The following SPAG17 variants were observed in gnomAD, a reference collection of about 807,000 sequenced individuals.
SPAG17 encodes sperm associated antigen 17, also known as sperm-associated antigen 17.
In SPAG17, 169 loss-of-function variants were observed where a neutral mutation model predicts 273.6. The observed-to-expected ratio is 0.62, with a 90% confidence interval of 0.55 to 0.70. The LOEUF (loss-of-function observed/expected upper bound fraction) is 0.70, where lower values mean the gene tolerates loss of function less well. Ranked by LOEUF, SPAG17 falls within the 30% of genes least tolerant of loss-of-function variation. The pLI is 0.00. For synonymous variants in SPAG17, 825 were observed against 873.2 expected (o/e 0.94, Z 0.97); for missense variants, 2,557 against 2,627.8 (o/e 0.97, Z 0.59).
At chr1:118,099,413 A>G (rs550239970) in intron 6 of SPAG17, among the ~76,000 whole-genome samples, 193 bp downstream of exon 6, 1 of 152,368 alleles carries the variant, frequency 6.6e-6, no homozygotes, top group South Asian at 2.1e-4. Context: ...ATATAAATAC[A>G]GGGTATGATT....
At chr1:117,998,295 C>A (rs1033091945) in intron 32 of SPAG17, among the ~76,000 whole-genome samples, 4 of 152,078 alleles carry the variant, frequency 2.6e-5, no homozygotes, top group African/African-American at 9.7e-5. Flanking sequence ...ATCCCAGTAC[C>A]ATTTATTGAC....
intron 42 of SPAG17, among the ~76,000 whole-genome samples, chr1:117,983,002 G>GT (rs1353559178): frequency 3.9e-5 from 6 of 152,152 alleles, no homozygotes; most frequent in Non-Finnish European, 5.9e-5. Context: ...CTATAGGATT[G>GT]TATTAGTCGG....
At chr1:118,038,248 T>C (rs1340228593) in intron 23 of SPAG17, among the ~76,000 whole-genome samples, 2 of 152,252 alleles carry the variant, frequency 1.3e-5, no homozygotes, top group African/African-American at 4.8e-5. Flanking sequence ...AGACACCTTA[T>C]AGAATGGAGA....
At chr1:118,099,844 A>G in intron 5 of SPAG17, 44 bp from the exon 6 acceptor site, 1 of 1,579,268 alleles carries the variant, frequency 6.3e-7, no homozygotes, top group South Asian at 1.1e-5. Flanking sequence ...ATTGTAAAAG[A>G]GAGCAGGTTG....
At chr1:118,150,028 A>G (rs1659284182) in intron 3 of SPAG17, among the ~76,000 whole-genome samples, 1 of 152,206 alleles carries the variant, frequency 6.6e-6, no homozygotes, top group Non-Finnish European at 1.5e-5. Context: ...TCCGAAGAGT[A>G]TCATTATTTT....
At chr1:118,036,238 G>A (rs763936641) in intron 24 of SPAG17, among the ~76,000 whole-genome samples, 2 of 151,324 alleles carry the variant, frequency 1.3e-5, no homozygotes, top group Non-Finnish European at 3.0e-5. Flanking sequence ...AAGGAAGGAA[G>A]GAAGTGGGGT....
intron 4 of SPAG17, among the ~76,000 whole-genome samples, chr1:118,103,840 AGTGT>A (rs60797775): frequency 5.1e-5 from 7 of 136,282 alleles, no homozygotes; most frequent in South Asian, 2.6e-4. Flanking sequence ...GGGAAAATGT[AGTGT>A]GTGTGTGTGT....
In SPAG17 at chr1:118,101,813, C is replaced by T; in HGVS notation, c.561G>A (p.Glu187=). 4 of 1,614,074 alleles carry T rather than the reference C, an allele frequency of 2.5e-6. No homozygotes were observed. The highest frequency in any genetic ancestry group is 3.4e-6 in the Non-Finnish European group (4 of 1,179,972). Residue 187 remains glutamate, a synonymous_variant, in exon 5 of 49, where the codon GAG becomes GAA. Transcript: ENST00000336338. The stretch of plus-strand genomic sequence containing the variant: ...TGGTCTTTTTCACTGGTGCATTTGC[C>T]TCAGGCTGATCCTTTCCCTTTCCTT... ...PAKGKGKDQP[E]ANAPVKKTTQ...
chr1:118,119,751 T>C (rs536478233), intron 3 of SPAG17, among the ~76,000 whole-genome samples: 60 of 152,288 alleles, frequency 3.9e-4, no homozygotes, highest in Admixed American at 1.4e-3. Flanking sequence ...TTCTCTAATA[T>C]ATGATTGATC....
chr1:118,158,866 G>A (rs920385727), intron 1 of SPAG17, among the ~76,000 whole-genome samples: 1 of 152,230 alleles, frequency 6.6e-6, no homozygotes, highest in South Asian at 2.1e-4. Flanking sequence ...CTAACTCAAA[G>A]TGATGCCCTG....
At chr1:118,038,236 C>T (rs1208871764) in intron 23 of SPAG17, among the ~76,000 whole-genome samples, 1 of 152,128 alleles carries the variant, frequency 6.6e-6, no homozygotes, top group Non-Finnish European at 1.5e-5. Flanking sequence ...CAAGATACCA[C>T]TAGACACCTT....
At chr1:118,121,127 G>A (rs901385085) in intron 3 of SPAG17, among the ~76,000 whole-genome samples, 1 of 151,982 alleles carries the variant, frequency 6.6e-6, no homozygotes, top group Non-Finnish European at 1.5e-5. Flanking sequence ...TTACATTCTA[G>A]GACTAGCTTA....
At chr1:118,067,711 C>A (rs1403940659) in intron 17 of SPAG17, among the ~76,000 whole-genome samples, 1 of 152,204 alleles carries the variant, frequency 6.6e-6, no homozygotes, top group Non-Finnish European at 1.5e-5. Context: ...TATTAGAATT[C>A]TCATTTTTTC....
chr1:118,107,217 G>T (rs1573161), intron 4 of SPAG17, among the ~76,000 whole-genome samples: 59,714 of 151,906 alleles, frequency 0.39, 12,938 homozygotes, highest in Non-Finnish European at 0.49. Context: ...TGATACTCTT[G>T]TCTGTCTTTG....
chr1:118,128,645 C>T (rs771808306), intron 3 of SPAG17, among the ~76,000 whole-genome samples: 6 of 152,196 alleles, frequency 3.9e-5, no homozygotes, highest in Non-Finnish European at 7.3e-5. Context: ...TACTGACTGA[C>T]TCATGCTGCC....
Position 118,097,839 on chromosome 1 carries a change from T to C in SPAG17, c.842A>G (p.Glu281Gly), listed in dbSNP as rs1655814581. Residue 281 changes from glutamate (E) to glycine (G), a missense_variant, in exon 7 of 49, where the codon GAA (glutamate) becomes GGA (glycine). Transcript: ENST00000336338. The stretch of plus-strand genomic sequence containing the variant: ...TATGGCATTTTCTTTCTTCAATTTT[T>C]CTGCTTCTAGATCTAATAATAGCAA... Reference protein sequence around the residue: ...VLLQSEDLEAEKLKKENAIKE... With the variant: ...VLLQSEDLEAGKLKKENAIKE... 1.9e-6 allele frequency: 3 copies of C among 1,587,470 alleles called. No individual in the cohort carries two copies. The highest frequency in any genetic ancestry group is 1.7e-6 in the Non-Finnish European group (2 of 1,170,784).
At chr1:118,153,425 G>T (rs910772075) in intron 1 of SPAG17, among the ~76,000 whole-genome samples, 1 of 152,140 alleles carries the variant, frequency 6.6e-6, no homozygotes, top group African/African-American at 2.4e-5. Context: ...GAACAGTTTT[G>T]GGAATAAGTC....
chr1:118,019,196 T>C (rs977735218), intron 28 of SPAG17, among the ~76,000 whole-genome samples: 1 of 152,064 alleles, frequency 6.6e-6, no homozygotes, highest in Admixed American at 6.6e-5. Flanking sequence ...ATTAGATCTA[T>C]AATACTTTAG....
chr1:118,076,607 G>A (rs1396417906), intron 15 of SPAG17: 1 of 151,964 alleles, frequency 6.6e-6, no homozygotes, highest in East Asian at 1.9e-4. Context: ...CTATGTTTAA[G>A]GATCCAGCAG....
Sources: allele counts gnomAD v4.1 joint callset (sites outside exome capture counted in the v4.1 genomes callset), GRCh38; gene constraint gnomAD v4.1.1; transcripts MANE v1.5; gene names NCBI Gene and HGNC (gene_info 2026-07-23, HGNC 2026-07-21).